SYT2: variants seen among roughly 807,000 people sequenced by gnomAD.
The protein encoded by SYT2 is synaptotagmin-2.
A neutral mutation model predicts 39.9 loss-of-function variants in SYT2; 15 were observed. That is an observed-to-expected ratio of 0.38 (90% CI 0.25 to 0.58). The LOEUF is 0.58. SYT2 is among the 20% of genes least tolerant of loss of function. SYT2 has a pLI of 0.70. For missense variants in SYT2, 389 were observed against 530.3 expected, an observed-to-expected ratio of 0.73 and a Z score of 2.62; for synonymous variants, 181 against 204.5, an observed-to-expected ratio of 0.89 and a Z score of 0.98.
intron 1 of SYT2, among the ~76,000 whole-genome samples, chr1:202,707,899 C>T (rs995541046): frequency 3.9e-5 from 6 of 152,212 alleles, no homozygotes; most frequent in African/African-American, 1.2e-4. Flanking sequence ...AAAGCCCACC[C>T]CCAGGTCTCT....
chr1:202,601,766 G>A lies in SYT2; in HGVS notation c.801+124C>T. On this transcript the variant is annotated intron_variant, in intron 6 of 8. Transcript: ENST00000367268. The surrounding 1 kb of genome is among the most constrained non-coding windows in gnomAD (Gnocchi z 4.0). ...CCAGGGTCACACAGCCAGGCAGTGT[G>A]GAGCTGGGATCCTAACACAGGTCGT... The A allele has an allele frequency of 9.8e-7, 1 of 1,016,920 alleles. No homozygotes were observed. Among genetic ancestry groups the A allele is most frequent in the East Asian group, 2.4e-5 (1 of 41,544 alleles). The allele number at this position is 1,016,920 out of a possible 1,614,324, so 63.0% of individuals were successfully genotyped here. A position where few individuals can be genotyped will look rare whatever the true frequency, so the allele number is the denominator to read the frequency against.
At chr1:202,652,431 A>G (rs1346049326) in intron 1 of SYT2, among the ~76,000 whole-genome samples, 1 of 152,186 alleles carries the variant, frequency 6.6e-6, no homozygotes, top group African/African-American at 2.4e-5. Flanking sequence ...TTTCTGCAGG[A>G]GGCCTGTCTC....
chr1:202,690,279 G>A lies in SYT2; in HGVS notation c.-18+19979C>T, dbSNP rs533424470. Among the ~76,000 whole-genome samples the A allele has an allele frequency of 2.0e-5, 3 of 152,298 alleles. No individual in the cohort carries two copies. The South Asian group carries it at 6.2e-4, about 32-fold the overall frequency. On this transcript the variant is annotated intron_variant, in intron 1 of 8. Transcript: ENST00000367268. Reference sequence around the variant, plus strand: ...AGGCCAAGCTGAGCCTGGGACATAGGAACCTCACAATGAAGATTTCCAAGA... The same window carrying A: ...AGGCCAAGCTGAGCCTGGGACATAGAAACCTCACAATGAAGATTTCCAAGA...
At chr1:202,649,075 G>A (rs963834240) in intron 1 of SYT2, among the ~76,000 whole-genome samples, 2 of 152,234 alleles carry the variant, frequency 1.3e-5, no homozygotes, top group African/African-American at 4.8e-5. Flanking sequence ...GAAAGAAGCT[G>A]CTGAGCAGCT....
chr1:202,656,019 G>C (rs1692271458), intron 1 of SYT2, among the ~76,000 whole-genome samples: 1 of 152,204 alleles, frequency 6.6e-6, no homozygotes, highest in Admixed American at 6.5e-5. Context: ...GGACCAGAAA[G>C]TGTGGCTTAT....
chr1:202,634,638 T>C (rs1691693551), intron 1 of SYT2, among the ~76,000 whole-genome samples: 1 of 152,118 alleles, frequency 6.6e-6, no homozygotes, highest in South Asian at 2.1e-4. Flanking sequence ...CAAACATCCA[T>C]CAACTGATGA....
chr1:202,654,142 G>A (rs1007630031), intron 1 of SYT2, among the ~76,000 whole-genome samples: 1 of 152,206 alleles, frequency 6.6e-6, no homozygotes, highest in Non-Finnish European at 1.5e-5. Context: ...GCTTACTGGG[G>A]AAATTAGGGT....
intron 1 of SYT2, among the ~76,000 whole-genome samples, chr1:202,699,216 C>T (rs1654052241): frequency 6.6e-6 from 1 of 151,794 alleles, no homozygotes; most frequent in Non-Finnish European, 1.5e-5. Flanking sequence ...GAGATGGGGT[C>T]TCGCTATGTT....
intron 1 of SYT2, among the ~76,000 whole-genome samples, chr1:202,617,959 G>C (rs1435690716): frequency 6.6e-6 from 1 of 152,148 alleles, no homozygotes; most frequent in East Asian, 1.9e-4. Context: ...CTGGAGTGCA[G>C]TGGCACGATC....
chr1:202,631,218 T>A (rs1691580139), intron 1 of SYT2, among the ~76,000 whole-genome samples: 1 of 152,108 alleles, frequency 6.6e-6, no homozygotes, highest in Admixed American at 6.5e-5. Context: ...TGGGTGAGCA[T>A]CTGTGGCTCT....
intron 1 of SYT2, among the ~76,000 whole-genome samples, chr1:202,629,868 G>GGC (rs1553338270): frequency 3.5e-5 from 1 of 28,846 alleles, no homozygotes; most frequent in East Asian, 1.1e-3. Context: ...GGCAGCTGGT[G>GGC]GGGGGGGGGG....
chr1:202,694,359 A>G (rs754094700), intron 1 of SYT2, among the ~76,000 whole-genome samples: 6 of 152,134 alleles, frequency 3.9e-5, no homozygotes, highest in Admixed American at 1.3e-4. Context: ...TTTCCCTTCA[A>G]TATTGAGGGT....
intron 1 of SYT2, among the ~76,000 whole-genome samples, chr1:202,679,043 G>A (rs1653458842): frequency 6.6e-6 from 1 of 152,092 alleles, no homozygotes; most frequent in South Asian, 2.1e-4. Flanking sequence ...GCAAGCATTT[G>A]CCAAGGGCCA....
At chr1:202,652,867 T>C (rs1479804667) in intron 1 of SYT2, among the ~76,000 whole-genome samples, 1 of 152,148 alleles carries the variant, frequency 6.6e-6, no homozygotes, top group African/African-American at 2.4e-5. Context: ...CAAGGAACAT[T>C]CATCACCAAT....
chr1:202,663,940 G>A (rs752531588), intron 1 of SYT2, among the ~76,000 whole-genome samples: 1 of 152,158 alleles, frequency 6.6e-6, no homozygotes, highest in Admixed American at 6.5e-5. Context: ...CCAGATGTAA[G>A]GTCAGCCAAG....
At chr1:202,644,461 C>A (rs1692031408) in intron 1 of SYT2, among the ~76,000 whole-genome samples, 1 of 152,152 alleles carries the variant, frequency 6.6e-6, no homozygotes. Context: ...ACCCTCAACC[C>A]CCAACCTCAC....
intron 1 of SYT2, among the ~76,000 whole-genome samples, chr1:202,702,277 T>TGCA (rs1375446933): frequency 6.6e-6 from 1 of 152,208 alleles, no homozygotes; most frequent in Non-Finnish European, 1.5e-5. Flanking sequence ...CTCCTGCAGC[T>TGCA]GCAGCAGCAG....
Position 202,683,931 on chromosome 1 carries a change from G to A in SYT2, c.-18+26327C>T, listed in dbSNP as rs564686137. Among the ~76,000 whole-genome samples the A allele has an allele frequency of 5.3e-5, 8 of 151,874 alleles. No homozygotes were observed. The South Asian group carries it at 8.3e-4, about 16-fold the overall frequency. On this transcript the variant is annotated intron_variant, in intron 1 of 8. Coordinates refer to ENST00000367268, the MANE Select transcript of SYT2 (RefSeq NM_177402.5). ...GGCTGAAGGTTACCCAGGTGTGCTC[G>A]GTTTGTGTATATTCATCCAACTATC... is the stretch of plus-strand genomic sequence containing the variant.
intron 1 of SYT2, among the ~76,000 whole-genome samples, chr1:202,616,393 C>T (rs569285218): frequency 6.6e-6 from 1 of 152,272 alleles, no homozygotes; most frequent in African/African-American, 2.4e-5. Context: ...TCAGCTGAGG[C>T]TGGACCAGTC....
Sources: allele counts gnomAD v4.1 joint callset (sites outside exome capture counted in the v4.1 genomes callset), GRCh38; gene constraint gnomAD v4.1.1; non-coding constraint Gnocchi (gnomAD v3.1); transcripts MANE v1.5; gene names NCBI Gene and HGNC (gene_info 2026-07-23, HGNC 2026-07-21).